SPTSSA: variants seen among roughly 807,000 people sequenced by gnomAD.
SPTSSA encodes the protein small subunit of serine palmitoyltransferase A.
Under a neutral mutation model 9.1 loss-of-function variants are expected in SPTSSA, and 8 were observed. That is an observed-to-expected ratio of 0.88 (90% CI 0.51 to 1.58). SPTSSA has a LOEUF of 1.58. Ranked by LOEUF, SPTSSA falls within the 40% of genes most tolerant of loss-of-function variation. The pLI, the probability that SPTSSA is intolerant of heterozygous loss-of-function variation, is 0.00. For synonymous variants in SPTSSA, 42 were observed against 37.7 expected (o/e 1.11, Z -0.41); for missense variants, 100 against 93.8 (o/e 1.07, Z -0.27).
chr14:34,446,086 A>ACACTACACCTG (rs1883414559), intron 1 of SPTSSA, among the ~76,000 whole-genome samples: 5 of 152,222 alleles, frequency 3.3e-5, no homozygotes, highest in Admixed American at 3.3e-4. Flanking sequence ...ACTACACTAC[A>ACACTACACCTG]GTGTATTTTC....
Position 34,454,102 on chromosome 14 carries a change from C to T in SPTSSA, c.112+7994G>A, listed in dbSNP as rs976237413. On this transcript the variant is annotated intron_variant, in intron 1 of 1. Coordinates refer to ENST00000298130, the MANE Select transcript of SPTSSA (RefSeq NM_138288.4). ...AGCTGAGGCGGGAAGATCACTTAAG[C>T]CCAGGAGTTCAAGGGTACAGTGAAC... 2.6e-5 allele frequency among the ~76,000 whole-genome samples: 4 copies of T among 152,048 alleles called. No homozygotes were observed. The South Asian group carries it at 8.3e-4, about 32-fold the overall frequency.
intron 1 of SPTSSA, among the ~76,000 whole-genome samples, chr14:34,449,243 C>CA (rs1259683822): frequency 6.6e-6 from 1 of 151,602 alleles, no homozygotes; most frequent in Non-Finnish European, 1.5e-5. Context: ...CAAAAACAAA[C>CA]AATTAGCCAG....
rs145256316 is a variant in SPTSSA, at chr14:34,446,760, T to C, written c.113-11456A>G. ...TGATAGGCTCTCTAGCACATTCTAC[T>C]TTAAAGGCTATCATCACACAACAGA... is the stretch of plus-strand genomic sequence containing the variant. On this transcript the variant is annotated intron_variant, in intron 1 of 1. Transcript: ENST00000298130. Among the ~76,000 whole-genome samples the C allele has an allele frequency of 6.5e-3, 997 of 152,354 alleles. 11 individuals carry two copies. The highest frequency in any genetic ancestry group is 0.023 in the African/African-American group (941 of 41,588).
intron 1 of SPTSSA, among the ~76,000 whole-genome samples, chr14:34,453,129 TC>T (rs1883557272): frequency 6.6e-6 from 1 of 152,206 alleles, no homozygotes; most frequent in African/African-American, 2.4e-5. Context: ...AAGGCTCCAG[TC>T]AAAAGTAGAC....
chr14:34,447,370 C>A lies in SPTSSA; in HGVS notation c.113-12066G>T, dbSNP rs1180689912. 5.4e-3 allele frequency among the ~76,000 whole-genome samples: 827 copies of A among 152,144 alleles called. 5 individuals carry two copies. Among genetic ancestry groups the A allele is most frequent in the African/African-American group, 0.018 (767 of 41,530 alleles). On this transcript the variant is annotated intron_variant, in intron 1 of 1. Coordinates refer to ENST00000298130, the MANE Select transcript of SPTSSA (RefSeq NM_138288.4). Reference sequence around the variant, plus strand: ...TACTCCGAACTCTTGGTATTATCCTCCCAACAGTCATAATAATCGTCTCCC... The same window carrying A: ...TACTCCGAACTCTTGGTATTATCCTACCAACAGTCATAATAATCGTCTCCC...
At chr14:34,452,183 T>A (rs1261933662) in intron 1 of SPTSSA, among the ~76,000 whole-genome samples, 2 of 149,828 alleles carry the variant, frequency 1.3e-5, no homozygotes, top group African/African-American at 4.9e-5. Context: ...GAGGCGGAGG[T>A]TGCAGTGAGC....
rs1219139661 is a variant in SPTSSA at position 34,433,435 on chromosome 14, A to G, written c.*1766T>C. On this transcript the variant is annotated 3_prime_UTR_variant, in exon 2 of 2. Transcript: ENST00000298130. The stretch of plus-strand genomic sequence containing the variant: ...AGCCAAATTTGGGCATTAATAGAAC[A>G]AATCTTATGTTAAATCCTCGTATTA... 6.6e-6 allele frequency: 1 copy of G among 152,124 alleles called. No individual in the cohort carries two copies. Among genetic ancestry groups the G allele is most frequent in the African/African-American group, 2.4e-5 (1 of 41,418 alleles). 9.4% of individuals were successfully genotyped at this position (152,124 alleles called of 1,614,324 possible). A position where few individuals can be genotyped will look rare whatever the true frequency, so the allele number is the denominator to read the frequency against.
Position 34,433,148 on chromosome 14 carries a change from TCTC to T in SPTSSA, c.*2050_*2052del, listed in dbSNP as rs1361825950. 1 of 152,228 alleles carries T rather than the reference TCTC, an allele frequency of 6.6e-6. No homozygotes were observed. Among genetic ancestry groups the T allele is most frequent in the Non-Finnish European group, 1.5e-5 (1 of 68,042 alleles). 9.4% of individuals were successfully genotyped at this position (152,228 alleles called of 1,614,324 possible). ...AGACATCTCCCATTTCTCTTTTGAC[TCTC>T]CTCAAGATTTCCTGTAAGACCAAAC... is the stretch of plus-strand genomic sequence containing the variant. On this transcript the variant is annotated 3_prime_UTR_variant, in exon 2 of 2. Coordinates refer to ENST00000298130, the MANE Select transcript of SPTSSA (RefSeq NM_138288.4).
At chr14:34,435,439 AAAC>A (rs1029608253) in intron 1 of SPTSSA, 135 bp from the exon 2 acceptor site, 92 of 552,440 alleles carry the variant, frequency 1.7e-4, no homozygotes, top group Non-Finnish European at 2.1e-4. Flanking sequence ...CTGATAAAAA[AAAC>A]AACAAGAATG....
chr14:34,445,131 G>A (rs1005928291), intron 1 of SPTSSA, among the ~76,000 whole-genome samples: 2 of 151,942 alleles, frequency 1.3e-5, no homozygotes, highest in African/African-American at 2.4e-5. Context: ...AGTTTTACAC[G>A]CAAGGTGTCT....
chr14:34,456,309 C>CA (rs1878467072), intron 1 of SPTSSA, among the ~76,000 whole-genome samples: 1 of 151,674 alleles, frequency 6.6e-6, no homozygotes, highest in East Asian at 1.9e-4. Context: ...GCAACAAGTG[C>CA]AAAACCCTAT....
intron 1 of SPTSSA, among the ~76,000 whole-genome samples, chr14:34,441,007 T>C (rs1000164149): frequency 6.6e-6 from 1 of 152,198 alleles, no homozygotes; most frequent in Admixed American, 6.5e-5. Context: ...AGTGAAACAA[T>C]AACTTATCAA....
intron 1 of SPTSSA, among the ~76,000 whole-genome samples, chr14:34,436,576 G>A (rs1883243585): frequency 6.6e-6 from 1 of 151,982 alleles, no homozygotes; most frequent in South Asian, 2.1e-4. Flanking sequence ...TGAGAAGATA[G>A]GGTTTAAATA....
At chr14:34,436,554 TAC>T (rs1388025168) in intron 1 of SPTSSA, among the ~76,000 whole-genome samples, 1 of 152,238 alleles carries the variant, frequency 6.6e-6, no homozygotes, top group Non-Finnish European at 1.5e-5. Context: ...TAAAATAACT[TAC>T]ATTCTTTTAT....
At chr14:34,452,171 G>T (rs796679626) in intron 1 of SPTSSA, among the ~76,000 whole-genome samples, 1 of 150,752 alleles carries the variant, frequency 6.6e-6, no homozygotes, top group African/African-American at 2.4e-5. Context: ...ATTTGAACCC[G>T]GGAGGCGGAG....
At chr14:34,448,630 C>T (rs2787445) in intron 1 of SPTSSA, among the ~76,000 whole-genome samples, 31,600 of 152,120 alleles carry the variant, frequency 0.21, 3,439 homozygotes, top group Middle Eastern at 0.29. Flanking sequence ...ATTCTGTAAC[C>T]GGGCCTTTGA....
intron 1 of SPTSSA, among the ~76,000 whole-genome samples, chr14:34,444,990 G>A (rs1282692658): frequency 6.6e-6 from 1 of 151,852 alleles, no homozygotes; most frequent in East Asian, 1.9e-4. Flanking sequence ...TACTTGGGAG[G>A]CTGAGGCATG....
At chr14:34,436,507 A>C (rs1053182022) in intron 1 of SPTSSA, among the ~76,000 whole-genome samples, 1 of 151,768 alleles carries the variant, frequency 6.6e-6, no homozygotes, top group Non-Finnish European at 1.5e-5. Context: ...CCCTTTCTCA[A>C]CTCTACATAC....
intron 1 of SPTSSA, among the ~76,000 whole-genome samples, chr14:34,457,333 G>A (rs898534305): frequency 2.6e-5 from 4 of 152,080 alleles, no homozygotes; most frequent in African/African-American, 9.7e-5. Flanking sequence ...ACTTCAGGGC[G>A]TGTCTCACTG....
Sources: allele counts gnomAD v4.1 joint callset (sites outside exome capture counted in the v4.1 genomes callset), GRCh38; gene constraint gnomAD v4.1.1; transcripts MANE v1.5; gene names NCBI Gene and HGNC (gene_info 2026-07-23, HGNC 2026-07-21).